The following LOC128092253 variants were observed in gnomAD, a reference collection of about 807,000 sequenced individuals.
At chr6:133,978,727 C>T in the LOC128092253 span, among the ~76,000 whole-genome samples, 2 of 152,114 alleles carry the variant, frequency 1.3e-5, no homozygotes, top group Non-Finnish European at 2.9e-5. Context: ...ATAGAGGTGT[C>T]AGAAGTCTTG....
At chr6:133,974,329 G>A in the LOC128092253 span, among the ~76,000 whole-genome samples, 1 of 151,970 alleles carries the variant, frequency 6.6e-6, no homozygotes, top group Admixed American at 6.6e-5. Flanking sequence ...TTATACTTTG[G>A]TCAGTTCAGT....
chr6:133,967,365 A>G, the LOC128092253 span, among the ~76,000 whole-genome samples: 1 of 152,232 alleles, frequency 6.6e-6, no homozygotes, highest in African/African-American at 2.4e-5. Context: ...TTCTTTATAT[A>G]TTAGAGCTTC....
chr6:133,965,709 C>G, the LOC128092253 span, among the ~76,000 whole-genome samples: 6 of 151,904 alleles, frequency 3.9e-5, no homozygotes, highest in Non-Finnish European at 1.5e-5. Context: ...TTACCACTTA[C>G]TTTTAAACTT....
the LOC128092253 span, among the ~76,000 whole-genome samples, chr6:133,965,644 C>T: frequency 6.6e-6 from 1 of 151,098 alleles, no homozygotes; most frequent in African/African-American, 2.4e-5. Context: ...AAATTTAGTG[C>T]TTTTTTCAGT....
the LOC128092253 span, among the ~76,000 whole-genome samples, chr6:133,978,468 C>G: frequency 6.6e-6 from 1 of 152,144 alleles, no homozygotes; most frequent in Non-Finnish European, 1.5e-5. Flanking sequence ...TGCTTAAGAC[C>G]AATGGTAATA....
At chr6:133,969,168 GA>G in the LOC128092253 span, among the ~76,000 whole-genome samples, 1 of 150,252 alleles carries the variant, frequency 6.7e-6, no homozygotes, top group Non-Finnish European at 1.5e-5. Flanking sequence ...CAGTCATTCA[GA>G]AAATCAGTAT....
the LOC128092253 span, among the ~76,000 whole-genome samples, chr6:133,976,814 C>G: frequency 1.3e-5 from 2 of 152,042 alleles, no homozygotes; most frequent in Non-Finnish European, 2.9e-5. Context: ...TGGTGAAACC[C>G]TGTCTCTACT....
chr6:133,969,307 G>T, the LOC128092253 span, among the ~76,000 whole-genome samples: 2 of 122,654 alleles, frequency 1.6e-5, no homozygotes, highest in African/African-American at 6.2e-5. Context: ...CAGAGTTGTT[G>T]ACTAATTTCC....
At chr6:133,956,291 T>G in the LOC128092253 span, among the ~76,000 whole-genome samples, 1 of 152,214 alleles carries the variant, frequency 6.6e-6, no homozygotes, top group African/African-American at 2.4e-5. Context: ...TAATAAAGAT[T>G]CCCTGAAACT....
the LOC128092253 span, among the ~76,000 whole-genome samples, chr6:133,966,531 A>G: frequency 5.3e-5 from 8 of 152,178 alleles, no homozygotes; most frequent in African/African-American, 1.9e-4. Flanking sequence ...TGTCCTGAGC[A>G]ATGGACTTTT....
chr6:133,963,123 A>G, the LOC128092253 span, among the ~76,000 whole-genome samples: 1 of 152,202 alleles, frequency 6.6e-6, no homozygotes, highest in South Asian at 2.1e-4. Flanking sequence ...TGCTGGTTTA[A>G]AAGCATGAAG....
chr6:133,972,623 G>A, the LOC128092253 span, among the ~76,000 whole-genome samples: 1 of 152,150 alleles, frequency 6.6e-6, no homozygotes, highest in Non-Finnish European at 1.5e-5. Context: ...TGCAAAACAG[G>A]CACTGGCCCA....
At chr6:133,956,035 A>G in the LOC128092253 span, among the ~76,000 whole-genome samples, 2 of 152,336 alleles carry the variant, frequency 1.3e-5, no homozygotes, top group South Asian at 4.1e-4. Context: ...TATTTAAAAA[A>G]ATCAGAAAAT....
the LOC128092253 span, among the ~76,000 whole-genome samples, chr6:133,973,739 G>T: frequency 1.3e-4 from 20 of 152,276 alleles, no homozygotes; most frequent in South Asian, 6.2e-4. Flanking sequence ...TTAATAGAAA[G>T]CTAGAAATAT....
chr6:133,978,657 G>GA, the LOC128092253 span, among the ~76,000 whole-genome samples: 2 of 152,132 alleles, frequency 1.3e-5, no homozygotes, highest in Non-Finnish European at 2.9e-5. Flanking sequence ...ATACAAGAGT[G>GA]AAAAAATATA....
chr6:133,964,359 A>G, the LOC128092253 span, among the ~76,000 whole-genome samples: 1 of 151,646 alleles, frequency 6.6e-6, no homozygotes, highest in African/African-American at 2.4e-5. Context: ...TTATGTAATC[A>G]TGTTTGTTTT....
At chr6:133,961,388 G>A in the LOC128092253 span, among the ~76,000 whole-genome samples, 3 of 151,750 alleles carry the variant, frequency 2.0e-5, no homozygotes, top group African/African-American at 4.8e-5. Flanking sequence ...GCCCTCTGCC[G>A]GGTTGCTCTT....
chr6:133,959,219 T>C, the LOC128092253 span, among the ~76,000 whole-genome samples: 1 of 152,138 alleles, frequency 6.6e-6, no homozygotes, highest in Non-Finnish European at 1.5e-5. Flanking sequence ...TTTATATTTT[T>C]AGTAGATGCA....
the LOC128092253 span, among the ~76,000 whole-genome samples, chr6:133,964,521 G>A: frequency 6.6e-6 from 1 of 150,886 alleles, no homozygotes; most frequent in East Asian, 2.0e-4. Context: ...CACCATCTTG[G>A]CTCACTGCAA....
Sources: allele counts gnomAD v4.1 joint callset (sites outside exome capture counted in the v4.1 genomes callset), GRCh38; gene constraint gnomAD v4.1.1; transcripts MANE v1.5.